CASP8: variants seen among roughly 807,000 people sequenced by gnomAD.
CASP8 encodes caspase-8.
Under a neutral mutation model 46.3 loss-of-function variants are expected in CASP8, and 24 were observed. The observed-to-expected ratio is 0.52, with a 90% CI of 0.38 to 0.73. CASP8 has a LOEUF of 0.73. Ranked by LOEUF, CASP8 falls within the 30% of genes least tolerant of loss-of-function variation. CASP8 has a pLI of 0.00. For missense variants in CASP8, 460 were observed against 559.0 expected, an observed-to-expected ratio of 0.82 and a Z score of 1.79; for synonymous variants, 188 against 200.4, an observed-to-expected ratio of 0.94 and a Z score of 0.52.
chr2:201,257,233 G>A (rs1947062759), upstream of CASP8, among the ~76,000 whole-genome samples: 1 of 150,902 alleles, frequency 6.6e-6, no homozygotes, highest in Admixed American at 6.6e-5. Context: ...TGTAATCCCA[G>A]CACTTTGGGA....
At chr2:201,275,262 G>A (rs1227587913) in intron 6 of CASP8, among the ~76,000 whole-genome samples, 2 of 152,134 alleles carry the variant, frequency 1.3e-5, no homozygotes, top group African/African-American at 4.8e-5. Context: ...TGCCAGCCTG[G>A]ATGGGGGAGT....
rs1254457645 is a variant in CASP8, at chr2:201,261,947, C to T, written c.-27+1334C>T. ...TAGAATGGGACTCTGGAATGAGATG[C>T]TGGGGCCTAGATTCTAGCACTTCCT... is the stretch of plus-strand genomic sequence containing the variant. On this transcript the variant is annotated intron_variant, in intron 1 of 8. Coordinates refer to ENST00000673742, the MANE Select transcript of CASP8 (RefSeq NM_001372051.1). 2.0e-5 allele frequency: 3 copies of T among 152,168 alleles called. No individual in the cohort carries two copies. In the East Asian group the frequency reaches 5.8e-4, roughly 29 times the overall value. 9.4% of individuals were successfully genotyped at this position (152,168 alleles called of 1,614,324 possible). A position where few individuals can be genotyped will look rare whatever the true frequency, so the allele number is the denominator to read the frequency against.
chr2:201,258,727 T>C (rs1947171990), upstream of CASP8, among the ~76,000 whole-genome samples: 1 of 145,152 alleles, frequency 6.9e-6, no homozygotes. Flanking sequence ...TCTTTTTCAT[T>C]TGGCCCTGGG....
intron 2 of CASP8, among the ~76,000 whole-genome samples, chr2:201,245,439 C>G (rs1206979197): frequency 6.6e-6 from 1 of 152,154 alleles, no homozygotes; most frequent in East Asian, 1.9e-4. Flanking sequence ...CAGGGTTTCA[C>G]CATGTTGGCT....
chr2:201,286,434 C>A (rs756623947), intron 8 of CASP8, 25 bp from the exon 9 acceptor site: 1 of 1,609,862 alleles, frequency 6.2e-7, no homozygotes, highest in South Asian at 1.1e-5. Flanking sequence ...CACAGACAGT[C>A]ACAATATTAT....
chr2:201,275,968 G>A (rs1211498336), intron 6 of CASP8, among the ~76,000 whole-genome samples: 1 of 152,048 alleles, frequency 6.6e-6, no homozygotes, highest in Non-Finnish European at 1.5e-5. Context: ...TAACATACTT[G>A]GTACAAACTT....
At chr2:201,247,397 C>T (rs955615616) in intron 2 of CASP8, among the ~76,000 whole-genome samples, 23 of 151,814 alleles carry the variant, frequency 1.5e-4, no homozygotes, top group Admixed American at 1.5e-3. Context: ...GCTGAAGGCG[C>T]CTTCCTTCTG....
chr2:201,261,491 G>C (rs977266419), intron 1 of CASP8, among the ~76,000 whole-genome samples: 2 of 152,154 alleles, frequency 1.3e-5, no homozygotes, highest in Non-Finnish European at 2.9e-5. Context: ...GCACTTGTGG[G>C]GTTAAGAATT....
At chr2:201,276,994 G>A (rs2125322438) in intron 7 of CASP8, 26 bp downstream of exon 7, 1 of 1,546,872 alleles carries the variant, frequency 6.5e-7, no homozygotes, top group Non-Finnish European at 8.9e-7. Context: ...AAAGAGAAAA[G>A]TAAAATATTT....
chr2:201,247,714 G>A lies in CASP8; in HGVS notation c.-27+13602G>A, dbSNP rs974098001. Among the ~76,000 whole-genome samples, 20 of 151,810 alleles carry A rather than the reference G, an allele frequency of 1.3e-4. No individual in the cohort carries two copies. In the East Asian group the frequency reaches 1.7e-3, roughly 13 times the overall value. On this transcript the variant is annotated intron_variant, in intron 2 of 6. Transcript: ENST00000264274. ...GGCTGGAGTGCAGTGGTGCGATCTC[G>A]GCTCACTGCAACCTCCACCTCCCGG...
intron 7 of CASP8, among the ~76,000 whole-genome samples, chr2:201,279,325 G>A (rs1948849686): frequency 6.6e-6 from 1 of 152,214 alleles, no homozygotes; most frequent in African/African-American, 2.4e-5. Flanking sequence ...AGCAAAGGAA[G>A]CAATGAAGCA....
intron 7 of CASP8, among the ~76,000 whole-genome samples, chr2:201,279,221 G>A (rs1948842265): frequency 6.6e-6 from 1 of 152,196 alleles, no homozygotes; most frequent in Admixed American, 6.5e-5. Context: ...CATAGAGCCA[G>A]CAACTATTCT....
intron 7 of CASP8, 133 bp from the exon 8 acceptor site, chr2:201,284,681 AGG>A (rs1576387594): frequency 7.9e-6 from 1 of 126,460 alleles, no homozygotes; most frequent in African/African-American, 4.9e-5. Context: ...GGAGAGGGAG[AGG>A]GAGAGGGAGA....
chr2:201,265,201 G>A (rs1375038413), intron 1 of CASP8, among the ~76,000 whole-genome samples: 1 of 151,990 alleles, frequency 6.6e-6, no homozygotes, highest in East Asian at 1.9e-4. Flanking sequence ...TTTAATCTTG[G>A]AGCTGGAGGC....
rs1949598999 is a variant in CASP8 at position 201,287,131 on chromosome 2, T to C, written c.*537T>C. The C allele has an allele frequency of 6.0e-6, 1 of 167,308 alleles. No individual in the cohort carries two copies. The highest frequency in any genetic ancestry group is 5.8e-5 in the Admixed American group (1 of 17,298). The allele number at this position is 167,308 out of a possible 1,614,324, so 10.4% of individuals were successfully genotyped here. On this transcript the variant is annotated 3_prime_UTR_variant, in exon 9 of 9. Coordinates refer to ENST00000673742, the MANE Select transcript of CASP8 (RefSeq NM_001372051.1). Reference sequence around the variant, plus strand: ...CACGTACAAAATCCAGCTATGAATATAGAGGGCTTATGATTCAGATTGTTA... The same window carrying C: ...CACGTACAAAATCCAGCTATGAATACAGAGGGCTTATGATTCAGATTGTTA...
At chr2:201,271,749 A>G (rs1948262186) in intron 3 of CASP8, 128 bp downstream of exon 3, 1 of 713,228 alleles carries the variant, frequency 1.4e-6, no homozygotes. Context: ...AGAAGAAGAA[A>G]GTTGTCAGCA....
At chr2:201,234,598 T>G (rs1945966496) in intron 2 of CASP8, among the ~76,000 whole-genome samples, 1 of 151,668 alleles carries the variant, frequency 6.6e-6, no homozygotes, top group African/African-American at 2.4e-5. Context: ...TACAGGCACC[T>G]GCTTCCATGC....
At chr2:201,263,830 T>G (rs1482214012) in intron 1 of CASP8, among the ~76,000 whole-genome samples, 4 of 152,222 alleles carry the variant, frequency 2.6e-5, no homozygotes, top group Non-Finnish European at 5.9e-5. Context: ...GAATGGATCT[T>G]TAAATAAAGA....
chr2:201,254,188 T>C (rs546633326), intron 2 of CASP8, among the ~76,000 whole-genome samples: 3 of 152,232 alleles, frequency 2.0e-5, no homozygotes, highest in South Asian at 2.1e-4. Flanking sequence ...TACGGATTCA[T>C]GTCTGCAGTA....
Sources: allele counts gnomAD v4.1 joint callset (sites outside exome capture counted in the v4.1 genomes callset), GRCh38; gene constraint gnomAD v4.1.1; transcripts MANE v1.5; gene names NCBI Gene and HGNC (gene_info 2026-07-23, HGNC 2026-07-21).